TACR3: variants seen among roughly 807,000 people sequenced by gnomAD.
The protein encoded by TACR3 is neuromedin-K receptor.
A neutral mutation model predicts 35.0 loss-of-function variants in TACR3; 34 were observed. That is an observed-to-expected ratio of 0.97 (90% CI 0.74 to 1.30). TACR3 has a LOEUF of 1.30. Ranked by LOEUF, TACR3 falls within the 50% of genes most tolerant of loss-of-function variation. The pLI, the probability that TACR3 is intolerant of heterozygous loss-of-function variation, is 0.00. For missense variants in TACR3, 558 were observed against 591.7 expected (o/e 0.94, Z 0.59); for synonymous variants, 233 against 221.1 (o/e 1.05, Z -0.48).
intron 3 of TACR3, chr4:103,624,163 G>A (rs1724842604): frequency 6.6e-6 from 1 of 152,078 alleles, no homozygotes; most frequent in Admixed American, 6.6e-5. Flanking sequence ...TGCAATTACT[G>A]TTTTCTGTGT....
At chr4:103,663,215 T>C (rs142707892) in intron 1 of TACR3, among the ~76,000 whole-genome samples, 7 of 152,216 alleles carry the variant, frequency 4.6e-5, no homozygotes, top group Non-Finnish European at 7.4e-5. Context: ...AAGCAAATGT[T>C]GGGCACAGTG....
chr4:103,599,386 C>T (rs1293833724), intron 3 of TACR3, among the ~76,000 whole-genome samples: 5 of 152,208 alleles, frequency 3.3e-5, no homozygotes, highest in Admixed American at 1.3e-4. Flanking sequence ...GATACACAAT[C>T]ATGTCATCTG....
intron 1 of TACR3, among the ~76,000 whole-genome samples, chr4:103,695,767 C>T (rs1370890472): frequency 1.3e-5 from 2 of 151,332 alleles, no homozygotes; most frequent in African/African-American, 2.4e-5. Flanking sequence ...ATATAGTTCT[C>T]ACATATTATA....
At chr4:103,689,013 C>G (rs376566865) in intron 1 of TACR3, among the ~76,000 whole-genome samples, 2 of 151,784 alleles carry the variant, frequency 1.3e-5, no homozygotes, top group Non-Finnish European at 1.5e-5. Flanking sequence ...TGTCCAACAA[C>G]GATAGACTGG....
intron 3 of TACR3, among the ~76,000 whole-genome samples, chr4:103,647,779 T>A (rs903853524): frequency 1.3e-5 from 2 of 151,928 alleles, no homozygotes; most frequent in Non-Finnish European, 2.9e-5. Context: ...AGGGTAATAT[T>A]CAGTCTTTTT....
chr4:103,655,981 G>A (rs1302246841), intron 3 of TACR3, among the ~76,000 whole-genome samples: 2 of 152,014 alleles, frequency 1.3e-5, no homozygotes, highest in Non-Finnish European at 2.9e-5. Context: ...AAGTCCTTAT[G>A]TAATGAATTA....
intron 1 of TACR3, among the ~76,000 whole-genome samples, chr4:103,696,815 T>C (rs984677761): frequency 5.9e-5 from 9 of 152,184 alleles, no homozygotes; most frequent in African/African-American, 2.2e-4. Flanking sequence ...TGCATTTACA[T>C]TGGTTTCAAA....
intron 1 of TACR3, among the ~76,000 whole-genome samples, chr4:103,687,335 A>G (rs1722273370): frequency 6.6e-6 from 1 of 152,148 alleles, no homozygotes; most frequent in African/African-American, 2.4e-5. Flanking sequence ...GAAAACTGGC[A>G]CAAGACAGGG....
At chr4:103,693,826 A>G (rs1359752359) in intron 1 of TACR3, among the ~76,000 whole-genome samples, 2 of 152,082 alleles carry the variant, frequency 1.3e-5, no homozygotes, top group African/African-American at 4.8e-5. Context: ...CCCAGGTAAA[A>G]TGAAGACCTT....
intron 3 of TACR3, among the ~76,000 whole-genome samples, chr4:103,645,973 C>G (rs961392014): frequency 1.3e-5 from 2 of 152,118 alleles, no homozygotes; most frequent in South Asian, 4.1e-4. Flanking sequence ...GGCCAAGGCA[C>G]AGCATGCAAA....
At chr4:103,643,471 G>T (rs540079809) in intron 3 of TACR3, among the ~76,000 whole-genome samples, 28 of 151,548 alleles carry the variant, frequency 1.8e-4, no homozygotes, top group African/African-American at 6.0e-4. Flanking sequence ...GATTGCCTAA[G>T]GGTAGCTACC....
chr4:103,654,592 T>G (rs979439754), intron 3 of TACR3, among the ~76,000 whole-genome samples: 3 of 149,064 alleles, frequency 2.0e-5, no homozygotes, highest in Non-Finnish European at 4.5e-5. Flanking sequence ...ATATACCTAA[T>G]GCTAAATGAC....
chr4:103,619,458 G>A (rs1724730691), intron 3 of TACR3, among the ~76,000 whole-genome samples: 3 of 152,178 alleles, frequency 2.0e-5, no homozygotes, highest in South Asian at 2.1e-4. Flanking sequence ...CCAAATTGCT[G>A]AGATTACAGG....
chr4:103,683,106 C>T (rs1253383079), intron 1 of TACR3, among the ~76,000 whole-genome samples: 2 of 151,942 alleles, frequency 1.3e-5, no homozygotes, highest in Non-Finnish European at 2.9e-5. Context: ...TTGTCTACCA[C>T]ACAATGGATC....
chr4:103,590,048 C>CTTT (rs1723861460), intron 4 of TACR3, 54 bp from the exon 5 acceptor site: 1 of 1,563,090 alleles, frequency 6.4e-7, no homozygotes, highest in African/African-American at 1.4e-5. Context: ...GCAGATATGT[C>CTTT]TTTCAGCTGC....
At chr4:103,591,829 A>G (rs1723903915) in intron 3 of TACR3, 146 bp from the exon 4 acceptor site, 3 of 816,778 alleles carry the variant, frequency 3.7e-6, no homozygotes, top group Non-Finnish European at 5.8e-6. Context: ...GTGAAGCAAT[A>G]TACGGACAGT....
intron 2 of TACR3, among the ~76,000 whole-genome samples, chr4:103,657,001 G>A (rs1578245977): frequency 6.6e-6 from 1 of 151,220 alleles, no homozygotes; most frequent in East Asian, 1.9e-4. Flanking sequence ...GTAGTCAAAC[G>A]AGAAGTATGC....
intron 1 of TACR3, among the ~76,000 whole-genome samples, chr4:103,675,556 G>C (rs748881013): frequency 1.1e-4 from 16 of 152,202 alleles, no homozygotes; most frequent in Non-Finnish European, 2.1e-4. Flanking sequence ...TCCAGGACTA[G>C]CAATGCCAGG....
At chr4:103,626,363 A>G (rs972831542) in intron 3 of TACR3, among the ~76,000 whole-genome samples, 1 of 152,172 alleles carries the variant, frequency 6.6e-6, no homozygotes, top group Admixed American at 6.5e-5. Context: ...GCTGTCAACC[A>G]AAAGGACGCT....
Sources: allele counts gnomAD v4.1 joint callset (sites outside exome capture counted in the v4.1 genomes callset), GRCh38; gene constraint gnomAD v4.1.1; transcripts MANE v1.5; gene names NCBI Gene and HGNC (gene_info 2026-07-23, HGNC 2026-07-21).